Variants in SLC6A9 observed in about 807,000 individuals in gnomAD.
The protein encoded by SLC6A9 is solute carrier family 6 member 9.
A neutral mutation model predicts 70.9 loss-of-function variants in SLC6A9; 31 were observed. That is an observed-to-expected ratio of 0.44 (90% CI 0.33 to 0.59). The LOEUF (loss-of-function observed/expected upper bound fraction) is 0.59. Among genes scored for constraint, SLC6A9 ranks in the 20% least tolerant of loss-of-function variants. The pLI, the probability that SLC6A9 is intolerant of heterozygous loss-of-function variation, is 0.04. For missense variants in SLC6A9, 631 were observed against 845.2 expected (o/e 0.75, Z 3.14); for synonymous variants, 310 against 341.3 (o/e 0.91, Z 1.01).
chr1:44,000,156 C>A (rs556388883), intron 12 of SLC6A9, among the ~76,000 whole-genome samples: 1 of 152,230 alleles, frequency 6.6e-6, no homozygotes, highest in Admixed American at 6.5e-5. Context: ...TCACGGGTTA[C>A]ATGGGAATGG....
chr1:43,997,526 A>G lies in SLC6A9; in HGVS notation c.*19T>C, dbSNP rs201807166. 1.8e-3 allele frequency: 2,941 copies of G among 1,606,230 alleles called. 7 individuals carry two copies. Among genetic ancestry groups the G allele is most frequent in the Non-Finnish European group, 2.2e-3 (2,567 of 1,175,134 alleles). On this transcript the variant is annotated 3_prime_UTR_variant, in exon 14 of 14. Coordinates refer to ENST00000372310, the MANE Select transcript of SLC6A9 (RefSeq NM_001024845.3). This position sits in a 1 kb window ranked among gnomAD's most constrained non-coding sequence, Gnocchi z 4.4. ...GGGAGCACGGGGTGGGGGTGGGGCCACTCCCCTGGCAGCTGTGCTCATATC... is the reference window on the plus strand; with the variant it reads ...GGGAGCACGGGGTGGGGGTGGGGCCGCTCCCCTGGCAGCTGTGCTCATATC...
At chr1:44,029,166 G>A (rs1202913354) in intron 1 of SLC6A9, among the ~76,000 whole-genome samples, 4 of 152,236 alleles carry the variant, frequency 2.6e-5, no homozygotes, top group Admixed American at 2.6e-4. Flanking sequence ...TCTCACCGCT[G>A]AGTATCAGAC....
intron 2 of SLC6A9, among the ~76,000 whole-genome samples, chr1:44,023,797 G>A (rs1156720757): frequency 2.6e-5 from 4 of 152,150 alleles, no homozygotes; most frequent in Non-Finnish European, 5.9e-5. Context: ...AAAGGGTGGA[G>A]GGACATTTTC....
intron 8 of SLC6A9, among the ~76,000 whole-genome samples, 188 bp from the exon 9 acceptor site, chr1:44,001,815 C>T (rs945584485): frequency 6.6e-6 from 1 of 152,104 alleles, no homozygotes; most frequent in African/African-American, 2.4e-5. Context: ...GTAGCCTTGA[C>T]CTCTTGGTCT....
intron 2 of SLC6A9, among the ~76,000 whole-genome samples, chr1:44,022,816 G>T (rs558758321): frequency 6.9e-6 from 1 of 143,980 alleles, no homozygotes; most frequent in Admixed American, 7.5e-5. Flanking sequence ...AGTGATTTTC[G>T]TGCCACAGCC....
At chr1:44,007,722 C>T (rs2086368882) in intron 5 of SLC6A9, among the ~76,000 whole-genome samples, 1 of 152,194 alleles carries the variant, frequency 6.6e-6, no homozygotes, top group Non-Finnish European at 1.5e-5. Flanking sequence ...GGGCCAGCCT[C>T]TGCTCATCTG....
intron 2 of SLC6A9, among the ~76,000 whole-genome samples, chr1:44,020,576 T>A (rs1557693800): frequency 6.6e-6 from 1 of 152,188 alleles, no homozygotes; most frequent in Non-Finnish European, 1.5e-5. Context: ...ACGCTAAGAC[T>A]TCGGTTAGGT....
In SLC6A9 at chr1:44,013,104, C is replaced by T. The variant is rs1488601872; in HGVS notation, c.31-2222G>A. Among the ~76,000 whole-genome samples the T allele has an allele frequency of 2.6e-5, 4 of 152,218 alleles. No homozygotes were observed. The highest frequency in any genetic ancestry group is 2.1e-4 in the South Asian group (1 of 4,834). On this transcript the variant is annotated intron_variant, in intron 2 of 13. Transcript: ENST00000372310. The surrounding 1 kb of genome is among the most constrained non-coding windows in gnomAD (Gnocchi z 5.3). Reference sequence around the variant, plus strand: ...CTGATTGTGCCAGCAGCACAGTACACGGATGGGGTCACAGAGCAGCAGTTA... The same window carrying T: ...CTGATTGTGCCAGCAGCACAGTACATGGATGGGGTCACAGAGCAGCAGTTA...
intron 2 of SLC6A9, among the ~76,000 whole-genome samples, chr1:44,016,118 G>A (rs2086732341): frequency 6.6e-6 from 1 of 152,224 alleles, no homozygotes; most frequent in African/African-American, 2.4e-5. Flanking sequence ...TCCACTCCAG[G>A]CCCTGGGGTG....
chr1:44,031,277 C>T (rs1458472500), intron 1 of SLC6A9, 29 bp downstream of exon 1: 1 of 152,436 alleles, frequency 6.6e-6, no homozygotes, highest in Admixed American at 6.5e-5. Context: ...AGGCGCGGGC[C>T]CCAGCGTCCC....
intron 1 of SLC6A9, chr1:44,030,681 GT>G (rs1482191136): frequency 6.6e-6 from 1 of 152,432 alleles, no homozygotes; most frequent in Admixed American, 6.5e-5. Context: ...GAGAGGCTGA[GT>G]GCGCCAGGAC....
intron 2 of SLC6A9, among the ~76,000 whole-genome samples, chr1:44,016,179 C>G (rs1251200655): frequency 6.6e-6 from 1 of 152,216 alleles, no homozygotes; most frequent in Non-Finnish European, 1.5e-5. Context: ...CTTCCCACCC[C>G]AGACAAGCCC....
rs202156666 is a variant in SLC6A9 at position 43,997,603 on chromosome 1, G to A, written c.1844C>T (p.Ala615Val). 1.2e-5 allele frequency: 20 copies of A among 1,613,824 alleles called. No homozygotes were observed. Among genetic ancestry groups the A allele is most frequent in the Non-Finnish European group, 1.6e-5 (19 of 1,180,004 alleles). ...FEVQPLHPDK[A>V]QIPIVGSNGS... ...ATTACTGCCCACAATGGGGATCTGC[G>A]CCTTGTCCGGGTGCAGTGGCTGGAC... The change falls in exon 14 of 14, where the codon GCG (alanine) becomes GTG (valine). Residue 615 changes from alanine to valine, a missense_variant. Transcript: ENST00000372310. This position sits in a 1 kb window ranked among gnomAD's most constrained non-coding sequence, Gnocchi z 4.4.
chr1:44,005,117 G>A (rs551801920), intron 5 of SLC6A9, among the ~76,000 whole-genome samples: 9 of 152,296 alleles, frequency 5.9e-5, no homozygotes, highest in Admixed American at 2.6e-4. Flanking sequence ...ACCTCCCAAG[G>A]CCACAGCTAA....
intron 5 of SLC6A9, among the ~76,000 whole-genome samples, chr1:44,004,057 C>T (rs564272313): frequency 3.6e-4 from 55 of 151,842 alleles, no homozygotes; most frequent in African/African-American, 1.1e-3. Flanking sequence ...TGCATTCGTG[C>T]GATCTGGGCT....
chr1:44,000,214 A>G (rs2086040463), intron 12 of SLC6A9, among the ~76,000 whole-genome samples: 1 of 152,234 alleles, frequency 6.6e-6, no homozygotes, highest in Non-Finnish European at 1.5e-5. Context: ...CCTTCCACCA[A>G]TTCAGCTCCC....
At position 44,013,440 on chromosome 1, in the gene SLC6A9, C is replaced by T. The variant is rs1249210475; in HGVS notation, c.31-2558G>A. Among the ~76,000 whole-genome samples the T allele has an allele frequency of 6.6e-6, 1 of 152,240 alleles. No homozygotes were observed. Among genetic ancestry groups the T allele is most frequent in the Non-Finnish European group, 1.5e-5 (1 of 68,050 alleles). On this transcript the variant is annotated intron_variant, in intron 2 of 13. Coordinates refer to ENST00000372310, the MANE Select transcript of SLC6A9 (RefSeq NM_001024845.3). The surrounding 1 kb of genome is among the most constrained non-coding windows in gnomAD (Gnocchi z 5.3). ...CTCCGTTAATGAGCCGTGTGCTAAC[C>T]AGCTTAGCCGTGCGGGCTGTAACCC...
At chr1:44,010,465 G>GGGGGC in intron 3 of SLC6A9, 1 of 231,840 alleles carries the variant, frequency 4.3e-6, no homozygotes, top group Admixed American at 5.7e-5. Flanking sequence ...GCGGGGGGGG[G>GGGGGC]GGGGGGTTAG....
In SLC6A9 at chr1:44,002,760, T is replaced by G; in HGVS notation, c.723+93A>C. 1 of 1,594,320 alleles carries G rather than the reference T, an allele frequency of 6.3e-7. No homozygotes were observed. Among genetic ancestry groups the G allele is most frequent in the Non-Finnish European group, 8.6e-7 (1 of 1,164,608 alleles). ...GGTCCCTCTCCGGCTCCGGAGTCCC[T>G]TCAGCATCCCCTCCCTGCAATACAC... On this transcript the variant is annotated intron_variant, in intron 6 of 13. Transcript: ENST00000372310. The surrounding 1 kb of genome is among the most constrained non-coding windows in gnomAD (Gnocchi z 5.5).
Sources: allele counts gnomAD v4.1 joint callset (sites outside exome capture counted in the v4.1 genomes callset), GRCh38; gene constraint gnomAD v4.1.1; non-coding constraint Gnocchi (gnomAD v3.1); transcripts MANE v1.5; gene names NCBI Gene and HGNC (gene_info 2026-07-23, HGNC 2026-07-21).